Variants in RANBP2 observed in about 807,000 individuals in gnomAD.
The protein encoded by RANBP2 is RAN binding protein 2.
In RANBP2, 57 loss-of-function variants were observed where a neutral mutation model predicts 303.6. The ratio of observed to expected loss-of-function variants is 0.19; its 90% confidence interval spans 0.15 to 0.23. The LOEUF (loss-of-function observed/expected upper bound fraction) is 0.23, where lower values mean the gene tolerates loss of function less well. RANBP2 is among the 10% of genes least tolerant of loss of function. The pLI is 1.00. For missense variants in RANBP2, 3,138 were observed against 3,780.8 expected, an observed-to-expected ratio of 0.83 and a Z score of 4.46; for synonymous variants, 1,167 against 1,301.5, an observed-to-expected ratio of 0.90 and a Z score of 2.23.
At chr2:109,407,079 C>A in the RANBP2 span, among the ~76,000 whole-genome samples, 2 of 152,214 alleles carry the variant, frequency 1.3e-5, no homozygotes, top group Admixed American at 1.3e-4. Flanking sequence ...CCCACTAATA[C>A]TGCCCATGAG....
the RANBP2 span, among the ~76,000 whole-genome samples, chr2:109,096,243 A>G: frequency 2.0e-5 from 3 of 152,232 alleles, no homozygotes; most frequent in African/African-American, 4.8e-5. Context: ...TACAGGAAAC[A>G]TTATTGAATA....
At chr2:108,821,554 C>A in the RANBP2 span, among the ~76,000 whole-genome samples, 1 of 151,968 alleles carries the variant, frequency 6.6e-6, no homozygotes, top group South Asian at 2.1e-4. Flanking sequence ...GTGTGTAACA[C>A]ACACAAAAAT....
the RANBP2 span, among the ~76,000 whole-genome samples, chr2:108,793,048 A>AGT: frequency 2.1e-5 from 3 of 144,852 alleles, no homozygotes; most frequent in Non-Finnish European, 4.5e-5. Context: ...TGGGCGACAG[A>AGT]GAGACTCTGT....
At chr2:108,737,580 C>A (rs528205519) in intron 6 of RANBP2, among the ~76,000 whole-genome samples, 81 of 135,388 alleles carry the variant, frequency 6.0e-4, no homozygotes, top group Admixed American at 1.5e-3. Flanking sequence ...GAGACTGAGT[C>A]TTGCTCTCGC....
chr2:109,491,605 T>C, the RANBP2 span, among the ~76,000 whole-genome samples: 9 of 152,008 alleles, frequency 5.9e-5, no homozygotes, highest in Admixed American at 1.3e-4. Context: ...GGTGCTTGGG[T>C]TTCACCTGGG....
At chr2:109,467,710 C>T in the RANBP2 span, among the ~76,000 whole-genome samples, 1 of 152,222 alleles carries the variant, frequency 6.6e-6, no homozygotes, top group African/African-American at 2.4e-5. Context: ...ATTTCCATAT[C>T]TATTTGAGGA....
the RANBP2 span, among the ~76,000 whole-genome samples, chr2:109,401,840 C>A: frequency 6.6e-6 from 1 of 152,200 alleles, no homozygotes; most frequent in Non-Finnish European, 1.5e-5. Flanking sequence ...TCTATTGGGG[C>A]TGGAAGGGAA....
chr2:109,495,910 C>G, the RANBP2 span, among the ~76,000 whole-genome samples: 3 of 138,886 alleles, frequency 2.2e-5, no homozygotes, highest in South Asian at 6.8e-4. Context: ...TGAGTGCACA[C>G]TAAACACAAC....
At chr2:109,278,010 C>CAAAAAAAAAAAA in the RANBP2 span, among the ~76,000 whole-genome samples, 1 of 81,324 alleles carries the variant, frequency 1.2e-5, no homozygotes, top group African/African-American at 5.2e-5. Context: ...CTGTCTCTAA[C>CAAAAAAAAAAAA]AAAAAAAAAA....
the RANBP2 span, among the ~76,000 whole-genome samples, chr2:109,077,700 T>C: frequency 1.3e-5 from 2 of 150,074 alleles, no homozygotes; most frequent in African/African-American, 4.9e-5. Flanking sequence ...CCAATAGGTA[T>C]ATGAAAAAGT....
At chr2:109,330,125 C>T in the RANBP2 span, among the ~76,000 whole-genome samples, 2 of 152,220 alleles carry the variant, frequency 1.3e-5, no homozygotes. Flanking sequence ...ATTTCCTTTG[C>T]TCCCACTCTG....
At chr2:109,366,788 A>G in the RANBP2 span, among the ~76,000 whole-genome samples, 2 of 152,166 alleles carry the variant, frequency 1.3e-5, no homozygotes, top group Admixed American at 6.5e-5. Flanking sequence ...GGAAAGTCAA[A>G]GCTGCAGTGA....
At chr2:109,030,760 G>GT in the RANBP2 span, among the ~76,000 whole-genome samples, 1 of 152,164 alleles carries the variant, frequency 6.6e-6, no homozygotes, top group South Asian at 2.1e-4. Context: ...TGTTGTTGTT[G>GT]TTGTTTGTTT....
At chr2:109,125,793 A>G in the RANBP2 span, among the ~76,000 whole-genome samples, 1 of 152,264 alleles carries the variant, frequency 6.6e-6, no homozygotes, top group African/African-American at 2.4e-5. Flanking sequence ...TAACCGAGTA[A>G]CATAAGACTG....
the RANBP2 span, among the ~76,000 whole-genome samples, chr2:109,208,501 A>C: frequency 1.3e-5 from 2 of 152,218 alleles, no homozygotes; most frequent in African/African-American, 4.8e-5. Flanking sequence ...TAACAGTTAC[A>C]GCTAAGCTCC....
At chr2:109,733,953 C>T in the RANBP2 span, among the ~76,000 whole-genome samples, 2 of 151,580 alleles carry the variant, frequency 1.3e-5, no homozygotes, top group African/African-American at 2.4e-5. Context: ...GGGCCGCGGG[C>T]GGATCACCTG....
the RANBP2 span, among the ~76,000 whole-genome samples, chr2:109,424,156 G>A: frequency 1.3e-5 from 2 of 152,338 alleles, no homozygotes; most frequent in African/African-American, 4.8e-5. Flanking sequence ...ACACACCTGC[G>A]CTGTGGCTGA....
chr2:109,262,036 G>A, the RANBP2 span, among the ~76,000 whole-genome samples: 6 of 152,152 alleles, frequency 3.9e-5, no homozygotes, highest in African/African-American at 7.2e-5. Context: ...GAGACAGGTC[G>A]GTGGCCCGGC....
the RANBP2 span, among the ~76,000 whole-genome samples, chr2:109,663,530 G>A: frequency 6.6e-6 from 1 of 152,162 alleles, no homozygotes; most frequent in African/African-American, 2.4e-5. Flanking sequence ...CTTGCATAGA[G>A]CAAGTGTCTC....
Sources: allele counts gnomAD v4.1 joint callset (sites outside exome capture counted in the v4.1 genomes callset), GRCh38; gene constraint gnomAD v4.1.1; transcripts MANE v1.5; gene names NCBI Gene and HGNC (gene_info 2026-07-23, HGNC 2026-07-21).